Variants in GLIS3 observed in about 807,000 individuals in gnomAD.
The protein encoded by GLIS3 is GLIS family zinc finger 3.
In GLIS3, 53 loss-of-function variants were observed where a neutral mutation model predicts 78.6. That is an observed-to-expected ratio of 0.67 (90% CI 0.54 to 0.85). The LOEUF is 0.85. GLIS3 is among the 40% of genes least tolerant of loss of function. The pLI is 0.00. For synonymous variants in GLIS3, 684 were observed against 509.9 expected (o/e 1.34, Z -4.60); for missense variants, 1,703 against 1,231.1 (o/e 1.38, Z -5.74).
chr9:4,230,249 C>G (rs1056130173), intron 2 of GLIS3, among the ~76,000 whole-genome samples: 1 of 152,146 alleles, frequency 6.6e-6, no homozygotes, highest in African/African-American at 2.4e-5. Context: ...TCTCCACCAA[C>G]TAAGAAAGAA....
intron 4 of GLIS3, among the ~76,000 whole-genome samples, chr9:3,946,140 C>G (rs1417615192): frequency 6.6e-6 from 1 of 152,244 alleles, no homozygotes; most frequent in Non-Finnish European, 1.5e-5. Context: ...TCAGTGCCCA[C>G]ACATGCCCAC....
intron 4 of GLIS3, among the ~76,000 whole-genome samples, chr9:4,041,024 T>G (rs931179344): frequency 5.9e-5 from 9 of 152,160 alleles, no homozygotes; most frequent in African/African-American, 2.2e-4. Context: ...ATGCTAAACT[T>G]TGAAAGTGAA....
rs7024913 is a variant in GLIS3, at chr9:4,204,830, C to G, written c.389-78889G>C. 9.4e-3 allele frequency among the ~76,000 whole-genome samples: 1,422 copies of G among 151,882 alleles called. 23 individuals carry two copies. Among genetic ancestry groups the G allele is most frequent in the African/African-American group, 0.033 (1,371 of 41,406 alleles). On this transcript the variant is annotated intron_variant, in intron 2 of 10. Coordinates refer to ENST00000381971, the MANE Select transcript of GLIS3 (RefSeq NM_001042413.2). Reference sequence around the variant, plus strand: ...TCGGGAGGCTGAGGCAGAAGAATTGCTTGAACCCGGAAGGCGGAGGTTGCA... The same window carrying G: ...TCGGGAGGCTGAGGCAGAAGAATTGGTTGAACCCGGAAGGCGGAGGTTGCA...
At chr9:4,276,558 G>A (rs1459450037) in intron 2 of GLIS3, among the ~76,000 whole-genome samples, 4 of 134,134 alleles carry the variant, frequency 3.0e-5, no homozygotes, top group East Asian at 5.1e-4. Flanking sequence ...GGAGGGGAGG[G>A]GAGGGGAGGG....
intron 2 of GLIS3, among the ~76,000 whole-genome samples, chr9:4,321,262 T>C (rs1237747707): frequency 7.9e-6 from 1 of 126,294 alleles, no homozygotes; most frequent in African/African-American, 3.6e-5. Flanking sequence ...CTACTAAAAA[T>C]ACAAAAAAAA....
chr9:4,450,217 C>T, the GLIS3 span, among the ~76,000 whole-genome samples: 2 of 151,958 alleles, frequency 1.3e-5, no homozygotes, highest in South Asian at 2.1e-4. Flanking sequence ...ACTTCAATAG[C>T]CGATTCAATC....
intron 4 of GLIS3, among the ~76,000 whole-genome samples, chr9:4,090,066 C>T (rs562302179): frequency 1.3e-5 from 2 of 152,288 alleles, no homozygotes; most frequent in South Asian, 4.1e-4. Context: ...ACAGGGACTG[C>T]AGGGGGTATG....
intron 2 of GLIS3, among the ~76,000 whole-genome samples, chr9:4,341,294 C>T (rs1817831202): frequency 6.6e-6 from 1 of 152,248 alleles, no homozygotes; most frequent in Non-Finnish European, 1.5e-5. Context: ...CTTGCACTCA[C>T]ACGAGTGAAA....
intron 2 of GLIS3, among the ~76,000 whole-genome samples, chr9:4,264,701 C>G (rs761417293): frequency 6.6e-6 from 1 of 152,166 alleles, no homozygotes; most frequent in Non-Finnish European, 1.5e-5. Context: ...CCTCATCCCT[C>G]TGAAACCCAT....
intron 2 of GLIS3, among the ~76,000 whole-genome samples, chr9:4,188,730 T>C (rs543296765): frequency 6.6e-6 from 1 of 152,080 alleles, no homozygotes; most frequent in African/African-American, 2.4e-5. Flanking sequence ...CATGGGAGGG[T>C]GTATGTGTCG....
At chr9:3,978,956 T>C (rs942119967) in intron 4 of GLIS3, among the ~76,000 whole-genome samples, 5 of 152,168 alleles carry the variant, frequency 3.3e-5, no homozygotes, top group African/African-American at 9.7e-5. Context: ...GTATTATAAA[T>C]AATCTAGAGA....
intron 2 of GLIS3, among the ~76,000 whole-genome samples, chr9:4,129,222 C>G (rs538277718): frequency 8.9e-4 from 136 of 152,272 alleles, no homozygotes; most frequent in African/African-American, 3.2e-3. Flanking sequence ...AGTGTGGGCT[C>G]TGGAGATAGC....
the GLIS3 span, among the ~76,000 whole-genome samples, chr9:4,369,198 G>C: frequency 6.6e-6 from 1 of 152,022 alleles, no homozygotes; most frequent in Admixed American, 6.6e-5. Flanking sequence ...AATAATGTCT[G>C]ATGGATTACT....
chr9:3,862,677 T>G (rs1820294797), intron 8 of GLIS3, among the ~76,000 whole-genome samples: 1 of 152,146 alleles, frequency 6.6e-6, no homozygotes, highest in African/African-American at 2.4e-5. Context: ...GTTAACACTT[T>G]GAAAAGAAGG....
At chr9:4,116,356 G>C (rs900333920) in intron 4 of GLIS3, among the ~76,000 whole-genome samples, 6 of 152,176 alleles carry the variant, frequency 3.9e-5, no homozygotes, top group African/African-American at 1.4e-4. Flanking sequence ...CAGAACCCTA[G>C]TGACAGAGTA....
At chr9:4,145,231 C>T (rs1398899370) in intron 2 of GLIS3, 1 of 152,188 alleles carries the variant, frequency 6.6e-6, no homozygotes. Context: ...ATAAACTGAT[C>T]CAGGATCAGC....
At chr9:4,420,302 G>C in the GLIS3 span, among the ~76,000 whole-genome samples, 8 of 152,046 alleles carry the variant, frequency 5.3e-5, no homozygotes, top group African/African-American at 1.9e-4. Flanking sequence ...TTAAAAAGAG[G>C]GGACATCATT....
chr9:4,326,138 G>A (rs561796677), intron 2 of GLIS3, among the ~76,000 whole-genome samples: 8 of 152,166 alleles, frequency 5.3e-5, no homozygotes, highest in African/African-American at 1.7e-4. Flanking sequence ...TCTGTGCATC[G>A]AACCACCGTG....
At chr9:4,349,031 A>G (rs1408058350), upstream of GLIS3, among the ~76,000 whole-genome samples, 1 of 152,248 alleles carries the variant, frequency 6.6e-6, no homozygotes, top group East Asian at 1.9e-4. Flanking sequence ...GAAAACATTC[A>G]TGAAACTCAA....
Sources: gnomAD v4.1 joint callset for allele counts (sites outside exome capture counted in the v4.1 genomes callset) on GRCh38, gnomAD v4.1.1 for gene constraint, MANE v1.5 for transcripts, NCBI Gene and HGNC (gene_info 2026-07-23, HGNC 2026-07-21) for gene names.